CDH12: variants seen among roughly 807,000 people sequenced by gnomAD.
CDH12 encodes cadherin-12.
Under a neutral mutation model 74.1 loss-of-function variants are expected in CDH12, and 41 were observed. The observed-to-expected ratio is 0.55, with a 90% CI of 0.43 to 0.72. CDH12 has a LOEUF of 0.72. Among genes scored for constraint, CDH12 ranks in the 30% least tolerant of loss-of-function variants. The pLI is 0.00. For missense variants in CDH12, 945 were observed against 977.2 expected (o/e 0.97, Z 0.44); for synonymous variants, 399 against 355.0 (o/e 1.12, Z -1.39).
chr5:21,880,233 A>G (rs1386749511), intron 6 of CDH12, among the ~76,000 whole-genome samples: 1 of 152,132 alleles, frequency 6.6e-6, no homozygotes, highest in Non-Finnish European at 1.5e-5. Context: ...CCTATGGCTC[A>G]AACAAAGTTA....
intron 1 of CDH12, among the ~76,000 whole-genome samples, chr5:22,534,179 A>T (rs1370070473): frequency 6.6e-6 from 1 of 151,774 alleles, no homozygotes; most frequent in Non-Finnish European, 1.5e-5. Context: ...TTCCAAACAC[A>T]GCCTCTTTAC....
intron 3 of CDH12, among the ~76,000 whole-genome samples, chr5:22,312,274 G>A (rs1242020521): frequency 1.3e-5 from 2 of 151,654 alleles, no homozygotes; most frequent in African/African-American, 2.4e-5. Flanking sequence ...TTACCATCAG[G>A]AGAAACCAAA....
At chr5:22,306,675 T>A (rs899099397) in intron 3 of CDH12, among the ~76,000 whole-genome samples, 1 of 152,150 alleles carries the variant, frequency 6.6e-6, no homozygotes, top group Non-Finnish European at 1.5e-5. Context: ...GGTTCTGGGG[T>A]CAAATGAATG....
chr5:21,986,960 G>A (rs892091376), intron 5 of CDH12, among the ~76,000 whole-genome samples: 2 of 151,924 alleles, frequency 1.3e-5, no homozygotes, highest in African/African-American at 4.8e-5. Flanking sequence ...ATAGTCCCAA[G>A]TGCAAAATAT....
At chr5:22,173,499 C>G (rs28558355) in intron 4 of CDH12, among the ~76,000 whole-genome samples, 1 of 149,232 alleles carries the variant, frequency 6.7e-6, no homozygotes, top group Non-Finnish European at 1.5e-5. Context: ...GATATCTAAC[C>G]CTTATATAGG....
chr5:22,692,706 C>G lies in CDH12; in HGVS notation c.-523+160352G>C, dbSNP rs185982604. ...TGTCACACAACATGAAAAAAAGCAA[C>G]AAAATTATTAGAGAATCCTTGTATG... On this transcript the variant is annotated intron_variant, in intron 1 of 14. Transcript: ENST00000382254. Among the ~76,000 whole-genome samples the G allele has an allele frequency of 5.9e-5, 9 of 152,226 alleles. No individual in the cohort carries two copies. In the East Asian group the frequency reaches 1.7e-3, roughly 29 times the overall value.
intron 5 of CDH12, among the ~76,000 whole-genome samples, chr5:22,042,088 A>C (rs1360585636): frequency 6.6e-6 from 1 of 152,186 alleles, no homozygotes; most frequent in Non-Finnish European, 1.5e-5. Context: ...AAGTGAAATC[A>C]GAATATTTCA....
intron 5 of CDH12, among the ~76,000 whole-genome samples, chr5:22,069,396 A>G (rs1741789520): frequency 6.6e-6 from 1 of 152,084 alleles, no homozygotes; most frequent in Admixed American, 6.6e-5. Flanking sequence ...AGCATCCAAT[A>G]TATGGCACTA....
At chr5:22,678,552 G>A (rs369868067) in intron 1 of CDH12, among the ~76,000 whole-genome samples, 6 of 152,086 alleles carry the variant, frequency 3.9e-5, no homozygotes, top group African/African-American at 1.2e-4. Flanking sequence ...CCATTCTAGT[G>A]GTGCTGGAAG....
intron 2 of CDH12, among the ~76,000 whole-genome samples, chr5:22,501,662 T>G (rs1249690348): frequency 4.0e-5 from 6 of 151,898 alleles, no homozygotes; most frequent in African/African-American, 1.5e-4. Context: ...ATGTGCTAAT[T>G]GCAACTCTAA....
intron 2 of CDH12, among the ~76,000 whole-genome samples, chr5:22,419,994 T>G (rs200702951): frequency 2.5e-4 from 20 of 79,902 alleles, no homozygotes; most frequent in African/African-American, 8.3e-4. Context: ...TTTAATGGGG[T>G]TTTTTTTTGT....
chr5:22,286,850 T>C (rs1039196677), intron 3 of CDH12, among the ~76,000 whole-genome samples: 2 of 152,222 alleles, frequency 1.3e-5, no homozygotes, highest in Non-Finnish European at 1.5e-5. Context: ...ATATATGTGT[T>C]GAATTTGGTA....
At chr5:22,437,572 A>AAT (rs368568890) in intron 2 of CDH12, among the ~76,000 whole-genome samples, 2 of 150,540 alleles carry the variant, frequency 1.3e-5, no homozygotes, top group East Asian at 3.9e-4. Flanking sequence ...TAAATAAATA[A>AAT]AAATAATTCC....
chr5:21,976,385 A>C lies in CDH12; in HGVS notation c.232-1000T>G, dbSNP rs528428108. ...GCAGTGTTGTTCAAACTGGAGACCA[A>C]GAATAAATGAAAAATGGACACAGTC... On this transcript the variant is annotated intron_variant, in intron 5 of 14. Transcript: ENST00000382254. Among the ~76,000 whole-genome samples, 604 of 152,070 alleles carry C rather than the reference A, an allele frequency of 4.0e-3. 10 individuals carry two copies. The highest frequency in any genetic ancestry group is 0.014 in the African/African-American group (571 of 41,554).
intron 8 of CDH12, among the ~76,000 whole-genome samples, chr5:21,832,886 TA>T (rs1749130369): frequency 1.8e-5 from 1 of 56,822 alleles, no homozygotes; most frequent in African/African-American, 1.5e-4. Context: ...GATATAATAT[TA>T]ATATATATCA....
chr5:22,330,772 G>A (rs1363032215), intron 3 of CDH12, among the ~76,000 whole-genome samples: 10 of 149,724 alleles, frequency 6.7e-5, no homozygotes, highest in Admixed American at 5.3e-4. Context: ...AAAAGCAGAC[G>A]GAAAAGTAAA....
rs1041567469 is a variant in CDH12 at position 22,717,439 on chromosome 5, T to A, written c.-523+135619A>T. 3.9e-5 allele frequency among the ~76,000 whole-genome samples: 6 copies of A among 152,224 alleles called. No homozygotes were observed. In the East Asian group the frequency reaches 1.2e-3, roughly 29 times the overall value. On this transcript the variant is annotated intron_variant, in intron 1 of 14. Coordinates refer to ENST00000382254, the MANE Select transcript of CDH12 (RefSeq NM_004061.5). ...GCTGTACCACTTAGGTTTGTGAAAA[T>A]CCATTCTTTGATGTTCAGTCAATGA...
At chr5:22,458,368 T>G (rs1278454284) in intron 2 of CDH12, among the ~76,000 whole-genome samples, 1 of 152,194 alleles carries the variant, frequency 6.6e-6, no homozygotes, top group African/African-American at 2.4e-5. Context: ...AAAACTCATC[T>G]TAACTTGATT....
At chr5:22,107,276 C>T (rs1395747802) in intron 4 of CDH12, among the ~76,000 whole-genome samples, 1 of 150,658 alleles carries the variant, frequency 6.6e-6, no homozygotes, top group African/African-American at 2.4e-5. Context: ...GGATTATAGG[C>T]GCCCACCACC....
Sources: allele counts gnomAD v4.1 joint callset (sites outside exome capture counted in the v4.1 genomes callset), GRCh38; gene constraint gnomAD v4.1.1; transcripts MANE v1.5; gene names NCBI Gene and HGNC (gene_info 2026-07-23, HGNC 2026-07-21).